Variants in KANSL1 observed in about 807,000 individuals in gnomAD.
KANSL1 encodes the protein KAT8 regulatory NSL complex subunit 1, also known as MLL1/MLL complex subunit KANSL1.
A neutral mutation model predicts 103.6 loss-of-function variants in KANSL1; 22 were observed. That is an observed-to-expected ratio of 0.21 (90% CI 0.15 to 0.30). The LOEUF (loss-of-function observed/expected upper bound fraction) is 0.30. Among genes scored for constraint, KANSL1 ranks in the 10% least tolerant of loss-of-function variants. The probability of loss-of-function intolerance (pLI) is 1.00; values close to 1 mark genes in which losing one functional copy is unlikely to be tolerated. For missense variants in KANSL1, 1,337 were observed against 1,399.8 expected, an observed-to-expected ratio of 0.96 and a Z score of 0.72; for synonymous variants, 600 against 527.6, an observed-to-expected ratio of 1.14 and a Z score of -1.88.
chr17:46,158,872 G>A (rs946628971), intron 2 of KANSL1, among the ~76,000 whole-genome samples: 1 of 152,198 alleles, frequency 6.6e-6, no homozygotes, highest in Non-Finnish European at 1.5e-5. Context: ...TAACACTCCA[G>A]CAATAGCTTG....
chr17:46,062,110 C>CAAAAAAA (rs1568403365), intron 6 of KANSL1, among the ~76,000 whole-genome samples: 3 of 22,260 alleles, frequency 1.3e-4, no homozygotes, highest in African/African-American at 3.9e-4. Context: ...AAAAAAAAAA[C>CAAAAAAA]AAACAAACAA....
intron 1 of KANSL1, among the ~76,000 whole-genome samples, chr17:46,178,923 C>T (rs560109952): frequency 3.2e-4 from 48 of 152,290 alleles, no homozygotes; most frequent in South Asian, 8.3e-4. Flanking sequence ...TTCTAAATTG[C>T]ACCATCGGTC....
rs2077260630 is a variant in KANSL1, at chr17:46,039,817, T to C, written c.2088A>G (p.Lys696=). The change falls in exon 8 of 15, where the codon AAA becomes AAG. Residue 696 remains lysine, a synonymous_variant. Transcript: ENST00000432791. ...GCGATAACTTTTTGGGAGGTTTGAT[T>C]TTGTCAAAAGGCTTGTTCTGCCACT... The part of the protein sequence containing the change: ...KSQWQNKPFD[K]IKPPKKLSLK... 1 of 1,614,060 alleles carries C rather than the reference T, an allele frequency of 6.2e-7. No homozygotes were observed. Among genetic ancestry groups the C allele is most frequent in the African/African-American group, 1.3e-5 (1 of 74,930 alleles).
chr17:46,116,549 C>G (rs1203656199), intron 2 of KANSL1, among the ~76,000 whole-genome samples: 1 of 152,120 alleles, frequency 6.6e-6, no homozygotes, highest in Admixed American at 6.6e-5. Flanking sequence ...AAACCAACAA[C>G]AACAAAACAT....
chr17:46,046,952 A>G (rs1309830770), intron 7 of KANSL1, among the ~76,000 whole-genome samples: 2 of 152,218 alleles, frequency 1.3e-5, no homozygotes, highest in East Asian at 3.8e-4. Flanking sequence ...CATGGGCTAC[A>G]TAAATCCAAT....
chr17:46,038,641 G>A lies in KANSL1; in HGVS notation c.2438C>T (p.Ala813Val). 6.2e-7 allele frequency: 1 copy of A among 1,614,148 alleles called. No individual in the cohort carries two copies. The highest frequency in any genetic ancestry group is 8.5e-7 in the Non-Finnish European group (1 of 1,180,020). ...GGGACTGTGTGGAGGATGGTGGGTG[G>A]CTGCCAAGTAGCTCGAACTGCTCAT... ...TDMSSSSYLA[A>V]THHPPHSPLV... Residue 813 changes from alanine (A) to valine (V), a missense_variant, in exon 10 of 15, where the codon GCC becomes GTC. Around this residue, in one of 2 missense-constraint regions of KANSL1, gnomAD observed 780 missense variants for 923.4 expected, o/e 0.84. Coordinates refer to ENST00000432791, the MANE Select transcript of KANSL1 (RefSeq NM_015443.4).
chr17:46,127,726 C>T (rs1439781370), intron 2 of KANSL1, among the ~76,000 whole-genome samples: 4 of 151,370 alleles, frequency 2.6e-5, no homozygotes, highest in Non-Finnish European at 4.4e-5. Flanking sequence ...TGCAGTGAGC[C>T]GAGATTGCAC....
At chr17:46,069,552 C>G (rs2078501545) in intron 4 of KANSL1, among the ~76,000 whole-genome samples, 1 of 151,978 alleles carries the variant, frequency 6.6e-6, no homozygotes. Context: ...CGAGACCAAC[C>G]TAGCCAACAT....
At chr17:46,137,157 T>A (rs899920715) in intron 2 of KANSL1, among the ~76,000 whole-genome samples, 5 of 152,212 alleles carry the variant, frequency 3.3e-5, no homozygotes, top group Non-Finnish European at 7.3e-5. Flanking sequence ...TCACACTTAT[T>A]CCCCTGACTT....
chr17:46,062,020 A>G lies in KANSL1; in HGVS notation c.1848+4517T>C, dbSNP rs556900160. 5.3e-4 allele frequency among the ~76,000 whole-genome samples: 72 copies of G among 136,344 alleles called. 1 individual carries two copies. Among genetic ancestry groups the G allele is most frequent in the African/African-American group, 1.9e-3 (70 of 37,164 alleles). The allele number at this position is 136,344 out of a possible 152,430, so 89.4% of individuals were successfully genotyped here. ...GGCAGGAAAATTGCTTGAACCCGGG[A>G]GGCGGAGGCTGCAGTGAGCTGAGAT... On this transcript the variant is annotated intron_variant, in intron 6 of 14. Transcript: ENST00000432791.
intron 3 of KANSL1, among the ~76,000 whole-genome samples, chr17:46,090,949 T>C (rs2079361236): frequency 6.6e-6 from 1 of 152,252 alleles, no homozygotes; most frequent in African/African-American, 2.4e-5. Flanking sequence ...TAAAAAGTGT[T>C]ATGTATTTAC....
At chr17:46,102,727 T>C (rs767206331) in intron 2 of KANSL1, among the ~76,000 whole-genome samples, 2 of 152,226 alleles carry the variant, frequency 1.3e-5, no homozygotes, top group Non-Finnish European at 2.9e-5. Flanking sequence ...TCTATCCTTC[T>C]TCCTTCCATT....
At chr17:46,095,967 C>G (rs1181530903) in intron 2 of KANSL1, among the ~76,000 whole-genome samples, 3 of 152,068 alleles carry the variant, frequency 2.0e-5, no homozygotes, top group South Asian at 2.1e-4. Flanking sequence ...TGTTTGAAAT[C>G]TGGATGGGAA....
chr17:46,075,279 G>T (rs1057498599), intron 4 of KANSL1, among the ~76,000 whole-genome samples: 3 of 152,166 alleles, frequency 2.0e-5, no homozygotes, highest in African/African-American at 7.2e-5. Flanking sequence ...ATTGTGACAA[G>T]ATGTGTTAAG....
chr17:46,122,201 C>A (rs957812476), intron 2 of KANSL1, among the ~76,000 whole-genome samples: 2 of 152,188 alleles, frequency 1.3e-5, no homozygotes, highest in Admixed American at 6.5e-5. Context: ...TCTGGAAACA[C>A]AGAAGTTCCT....
chr17:46,119,574 T>C (rs2043194331), intron 2 of KANSL1, among the ~76,000 whole-genome samples: 1 of 152,190 alleles, frequency 6.6e-6, no homozygotes. Flanking sequence ...CCCAAAGCGC[T>C]GGGGATACAG....
At chr17:46,223,807 G>A (rs1378967443), upstream of KANSL1, 2 of 152,202 alleles carry the variant, frequency 1.3e-5, no homozygotes, top group Non-Finnish European at 2.9e-5. Flanking sequence ...GAAGGTATCT[G>A]AAAGAGAGGA....
chr17:46,069,503 G>C (rs780279130), intron 4 of KANSL1, among the ~76,000 whole-genome samples: 2 of 152,254 alleles, frequency 1.3e-5, no homozygotes, highest in South Asian at 4.2e-4. Context: ...CCAGCACTTT[G>C]GGAGGCTGAA....
At chr17:46,155,155 A>ATTTTTTTTTTTTTTTTTTTTTTTTT (rs33974360) in intron 2 of KANSL1, among the ~76,000 whole-genome samples, 1 of 103,854 alleles carries the variant, frequency 9.6e-6, no homozygotes, top group Non-Finnish European at 1.8e-5. Flanking sequence ...TCAGCCAGGG[A>ATTTTTTTTTTTTTTTTTTTTTTTTT]TTTTTTTTTT....
Sources: gnomAD v4.1 joint callset for allele counts (sites outside exome capture counted in the v4.1 genomes callset) on GRCh38, gnomAD v4.1.1 for gene constraint, gnomAD v4.1.1 regional missense constraint, MANE v1.5 for transcripts, NCBI Gene and HGNC (gene_info 2026-07-23, HGNC 2026-07-21) for gene names.